Variants in SLC25A6 observed in about 807,000 individuals in gnomAD.
SLC25A6 encodes the protein solute carrier family 25 member 6.
SLC25A6 carries 9 observed loss-of-function variants against 25.7 expected under a neutral mutation model. The ratio of observed to expected loss-of-function variants is 0.35; its 90% confidence interval spans 0.21 to 0.61. The LOEUF (loss-of-function observed/expected upper bound fraction) is 0.61, where lower values mean the gene tolerates loss of function less well. SLC25A6 is among the 20% of genes least tolerant of loss of function. The pLI, the probability that SLC25A6 is intolerant of heterozygous loss-of-function variation, is 0.76. For synonymous variants in SLC25A6, 223 were observed against 197.0 expected (o/e 1.13, Z -1.11); for missense variants, 404 against 440.5 (o/e 0.92, Z 0.74).
intron 1 of SLC25A6, chrX:1,390,319 C>T (rs1487107108): frequency 6.7e-6 from 1 of 149,954 alleles, no homozygotes; most frequent in Non-Finnish European, 1.5e-5. Context: ...TTTTTTAAGC[C>T]GGGCACAGTG....
At chrX:1,389,135 C>T (rs1367008981) in intron 2 of SLC25A6, 106 bp downstream of exon 2, 8 of 1,303,844 alleles carry the variant, frequency 6.1e-6, no homozygotes, top group East Asian at 2.5e-5. Flanking sequence ...GCAGGAGGAA[C>T]CAGCCCTGCC....
At chrX:1,387,787 G>A (rs1434745697) in intron 2 of SLC25A6, among the ~76,000 whole-genome samples, 1 of 151,932 alleles carries the variant, frequency 6.6e-6, no homozygotes, top group East Asian at 1.9e-4. Flanking sequence ...CAGGACCTCA[G>A]GATGCAACTG....
intron 1 of SLC25A6, among the ~76,000 whole-genome samples, chrX:1,390,469 T>C (rs1463118832): frequency 6.6e-6 from 1 of 151,390 alleles, no homozygotes; most frequent in Non-Finnish European, 1.5e-5. Context: ...GGCAGGTGCC[T>C]GCTAGGGAGG....
chrX:1,392,071 A>T lies in SLC25A6; in HGVS notation c.-62T>A. 1 of 1,289,490 alleles carries T rather than the reference A, an allele frequency of 7.8e-7. No individual in the cohort carries two copies. The highest frequency in any genetic ancestry group is 1.1e-6 in the Non-Finnish European group (1 of 912,284). The allele number at this position is 1,289,490 out of a possible 1,614,324, so 79.9% of individuals were successfully genotyped here. ...GAGAACGGGCGCGGAGAGTGAATGG[A>T]GGGCGTCGCTGGCTCAGCCCTGCCG... On this transcript the variant is annotated 5_prime_UTR_variant, in exon 1 of 4. Coordinates refer to ENST00000381401, the MANE Select transcript of SLC25A6 (RefSeq NM_001636.4).
In SLC25A6 at chrX:1,387,343, G is replaced by A. The variant is rs774859439; in HGVS notation, c.675C>T (p.Gly225=). The A allele has an allele frequency of 1.1e-5, 17 of 1,613,148 alleles. No individual in the cohort carries two copies. The East Asian group carries it at 1.8e-4, about 17-fold the overall frequency. Residue 225 remains glycine, a synonymous_variant, in exon 3 of 4, where the codon GGC becomes GGT. Transcript: ENST00000381401. ...MIAQTVTAVA[G]VVSYPFDTVR... ...CCGTGTCGAAGGGGTAGGACACCAC[G>A]CCGGCCACGGCCGTCACGGTCTGCG...
Position 1,386,588 on chromosome X carries a change from G to A in SLC25A6, c.*14C>T, listed in dbSNP as rs1383231590. 2.0e-6 allele frequency: 3 copies of A among 1,538,248 alleles called. No homozygotes were observed. In the African/African-American group the frequency reaches 4.2e-5, roughly 22 times the overall value. On this transcript the variant is annotated 3_prime_UTR_variant, in exon 4 of 4. Coordinates refer to ENST00000381401, the MANE Select transcript of SLC25A6 (RefSeq NM_001636.4). ...CCCCTGGTGTGTGTGTGTGTGTGGAGGAGGCCGCGGCCCTTAGATCACCTT... is the reference window on the plus strand; with the variant it reads ...CCCCTGGTGTGTGTGTGTGTGTGGAAGAGGCCGCGGCCCTTAGATCACCTT...
intron 1 of SLC25A6, chrX:1,390,296 A>T (rs1242951981): frequency 6.3e-6 from 1 of 157,976 alleles, no homozygotes; most frequent in African/African-American, 2.4e-5. Context: ...CCGCCCTGCT[A>T]AGTTTAAAAA....
Sources: gnomAD v4.1 joint callset for allele counts (sites outside exome capture counted in the v4.1 genomes callset) on GRCh38, gnomAD v4.1.1 for gene constraint, MANE v1.5 for transcripts, NCBI Gene and HGNC (gene_info 2026-07-23, HGNC 2026-07-21) for gene names.